The following CXCR5 variants were observed in gnomAD, a reference collection of about 807,000 sequenced individuals.
The protein encoded by CXCR5 is C-X-C motif chemokine receptor 5.
Under a neutral mutation model 5.6 loss-of-function variants are expected in CXCR5, and 3 were observed. That is an observed-to-expected ratio of 0.54 (90% CI 0.24 to 1.39). The LOEUF (loss-of-function observed/expected upper bound fraction) is 1.39. Among genes scored for constraint, CXCR5 ranks in the 40% most tolerant of loss-of-function variants. The pLI is 0.16. For synonymous variants in CXCR5, 218 were observed against 219.9 expected (o/e 0.99, Z 0.08); for missense variants, 333 against 494.6 (o/e 0.67, Z 3.10).
Position 118,894,810 on chromosome 11 carries a change from AC to A in CXCR5, c.*152del, listed in dbSNP as rs1306028613. ...TCATTTGGGGTAGCTAGAGGAACCA[AC>A]CCCCATTTCTAGAACATCCCTGCCA... On this transcript the variant is annotated 3_prime_UTR_variant, in exon 2 of 2. Coordinates refer to ENST00000292174, the MANE Select transcript of CXCR5 (RefSeq NM_001716.5). The surrounding 1 kb of genome is among the most constrained non-coding windows in gnomAD (Gnocchi z 6.1). 1.8e-5 allele frequency: 12 copies of A among 685,050 alleles called. No homozygotes were observed. The highest frequency in any genetic ancestry group is 2.2e-5 in the Non-Finnish European group (10 of 458,188). The allele number at this position is 685,050 out of a possible 1,614,324, so 42.4% of individuals were successfully genotyped here.
intron 1 of CXCR5, among the ~76,000 whole-genome samples, chr11:118,885,386 G>T (rs1018617667): frequency 6.6e-6 from 1 of 152,206 alleles, no homozygotes; most frequent in South Asian, 2.1e-4. Flanking sequence ...CTCGTGGGGG[G>T]TCCTGCTGGG....
rs919322461 is a variant in CXCR5, at chr11:118,893,254, T to G, written c.52-342T>G. 1 of 298,322 alleles carries G rather than the reference T, an allele frequency of 3.4e-6. No homozygotes were observed. Among genetic ancestry groups the G allele is most frequent in the Non-Finnish European group, 4.9e-6 (1 of 202,968 alleles). 18.5% of individuals were successfully genotyped at this position (298,322 alleles called of 1,614,324 possible). ...GTACCAAGCAGGTCCATTCCCCAAATTGAAGTCCTGTGACTCCAGCCGCCA... is the reference window on the plus strand; with the variant it reads ...GTACCAAGCAGGTCCATTCCCCAAAGTGAAGTCCTGTGACTCCAGCCGCCA... On this transcript the variant is annotated intron_variant, in intron 1 of 1. Coordinates refer to ENST00000292174, the MANE Select transcript of CXCR5 (RefSeq NM_001716.5). This position sits in a 1 kb window ranked among gnomAD's most constrained non-coding sequence, Gnocchi z 5.7.
In CXCR5 at chr11:118,893,782, C is replaced by T. The variant is rs955155953; in HGVS notation, c.238C>T (p.Arg80Trp). ...VLVLVILERH[R>W]QTRSSTETFL... ...GGTGCTGGTGATCCTGGAGCGGCAC[C>T]GGCAGACACGCAGTTCCACGGAGAC... is the stretch of plus-strand genomic sequence containing the variant. The change falls in exon 2 of 2, where the codon CGG becomes TGG. Residue 80 changes from arginine to tryptophan, a missense_variant. By Grantham distance (101) the Arg-to-Trp change is moderately radical. Transcript: ENST00000292174. The surrounding 1 kb of genome is among the most constrained non-coding windows in gnomAD (Gnocchi z 5.7). The T allele has an allele frequency of 1.2e-6, 2 of 1,613,978 alleles. No homozygotes were observed. The highest frequency in any genetic ancestry group is 1.7e-6 in the Non-Finnish European group (2 of 1,179,992).
chr11:118,885,940 G>A (rs1021033308), intron 1 of CXCR5: 1 of 179,702 alleles, frequency 5.6e-6, no homozygotes, highest in Non-Finnish European at 1.2e-5. Context: ...AGCCACCAGT[G>A]CCTCGTTCCC....
chr11:118,895,521 G>C lies in CXCR5; in HGVS notation c.*858G>C, dbSNP rs1270894658. 1 of 166,576 alleles carries C rather than the reference G, an allele frequency of 6.0e-6. No homozygotes were observed. The highest frequency in any genetic ancestry group is 2.4e-5 in the African/African-American group (1 of 40,964). The allele number at this position is 166,576 out of a possible 1,614,324, so 10.3% of individuals were successfully genotyped here. On this transcript the variant is annotated 3_prime_UTR_variant, in exon 2 of 2. Coordinates refer to ENST00000292174, the MANE Select transcript of CXCR5 (RefSeq NM_001716.5). The surrounding 1 kb of genome is among the most constrained non-coding windows in gnomAD (Gnocchi z 4.2). ...GCGGTCCCCTCCGCCAGGCGAGATG[G>C]GGTGGGGTGGAGAACTCCTAGGGTG...
rs1344255633 is a variant in CXCR5, at chr11:118,883,948, T to C, written c.7T>C (p.Tyr3His). 1.2e-6 allele frequency: 2 copies of C among 1,612,240 alleles called. No homozygotes were observed. Among genetic ancestry groups the C allele is most frequent in the East Asian group, 4.5e-5 (2 of 44,768 alleles). Residue 3 changes from tyrosine (Y) to histidine (H), a missense_variant, in exon 1 of 2, where the codon TAC (tyrosine) becomes CAC (histidine). Transcript: ENST00000292174. MN[Y>H]PLTLEMDLEN... ...ACTCACAGCCGGCACAGCCATGAAC[T>C]ACCCGCTAACGCTGGAAATGGACCT...
At chr11:118,892,668 G>T (rs865993215) in intron 1 of CXCR5, among the ~76,000 whole-genome samples, 3 of 127,368 alleles carry the variant, frequency 2.4e-5, no homozygotes, top group African/African-American at 9.4e-5. Flanking sequence ...CTGGGGTGAT[G>T]GGGGGGGGGT....
intron 1 of CXCR5, chr11:118,887,567 GT>G (rs907602325): frequency 2.6e-6 from 1 of 380,440 alleles, no homozygotes; most frequent in African/African-American, 2.2e-5. Flanking sequence ...TCACAGACTT[GT>G]CCCTGAAGGC....
rs531193857 is a variant in CXCR5, at chr11:118,895,820, C to G, written c.*1157C>G. The G allele has an allele frequency of 1.2e-5, 2 of 167,252 alleles. No individual in the cohort carries two copies. The highest frequency in any genetic ancestry group is 4.8e-5 in the African/African-American group (2 of 41,450). The allele number at this position is 167,252 out of a possible 1,614,324, so 10.4% of individuals were successfully genotyped here. On this transcript the variant is annotated 3_prime_UTR_variant, in exon 2 of 2. Coordinates refer to ENST00000292174, the MANE Select transcript of CXCR5 (RefSeq NM_001716.5). This position sits in a 1 kb window ranked among gnomAD's most constrained non-coding sequence, Gnocchi z 4.2. ...CGTGAGGATGTCACTCAGATGGAAC[C>G]GCAGGAAGCTGCTCCGTGCTTGTTT...
At chr11:118,889,112 C>T (rs1273991600) in intron 1 of CXCR5, among the ~76,000 whole-genome samples, 5 of 152,212 alleles carry the variant, frequency 3.3e-5, no homozygotes, top group Admixed American at 1.3e-4. Context: ...CCCCACCTCC[C>T]GCTAAGCCCC....
rs373222312 is a variant in CXCR5, at chr11:118,894,398, C to G, written c.854C>G (p.Ala285Gly). The stretch of plus-strand genomic sequence containing the variant: ...ATCGTCATCTTCCTGGACACCCTGG[C>G]GAGGCTGAAGGCCGTGGACAATACC... ...YHIVIFLDTL[A>G]RLKAVDNTCK... The change falls in exon 2 of 2, where the codon GCG becomes GGG. Residue 285 changes from alanine (A) to glycine (G), a missense_variant. Ala to Gly is a moderately conservative substitution (Grantham distance 60). Coordinates refer to ENST00000292174, the MANE Select transcript of CXCR5 (RefSeq NM_001716.5). The surrounding 1 kb of genome is among the most constrained non-coding windows in gnomAD (Gnocchi z 6.1). 3.5e-5 allele frequency: 56 copies of G among 1,614,096 alleles called. 1 individual carries two copies. The highest frequency in any genetic ancestry group is 2.5e-4 in the Admixed American group (15 of 60,004).
intron 1 of CXCR5, 139 bp downstream of exon 1, chr11:118,884,131 C>T: frequency 1.2e-6 from 1 of 819,458 alleles, no homozygotes; most frequent in Middle Eastern, 2.3e-4. Flanking sequence ...GGTCAGTCAG[C>T]TCCCGCCCTT....
rs1436610852 is a variant in CXCR5, at chr11:118,894,020, G to A, written c.476G>A (p.Arg159His). The A allele has an allele frequency of 4.3e-6, 7 of 1,613,442 alleles. No homozygotes were observed. The Admixed American group carries it at 8.3e-5, about 19-fold the overall frequency. ...ATTGTCCACGCCGTCCATGCCTACC[G>A]CCACCGCCGCCTCCTCTCCATCCAC... ...LAIVHAVHAY[R>H]HRRLLSIHIT... Residue 159 changes from arginine (R) to histidine (H), a missense_variant, in exon 2 of 2, where the codon CGC becomes CAC. Transcript: ENST00000292174. The surrounding 1 kb of genome is among the most constrained non-coding windows in gnomAD (Gnocchi z 6.1).
At position 118,894,491 on chromosome 11, in the gene CXCR5, G is replaced by A; in HGVS notation, c.947G>A (p.Cys316Tyr). The change falls in exon 2 of 2, where the codon TGC becomes TAC. Residue 316 changes from cysteine to tyrosine, a missense_variant. Physicochemically the swap from Cys to Tyr is radical, Grantham distance 194. Coordinates refer to ENST00000292174, the MANE Select transcript of CXCR5 (RefSeq NM_001716.5). This position sits in a 1 kb window ranked among gnomAD's most constrained non-coding sequence, Gnocchi z 6.1. ...MCEFLGLAHC[C>Y]LNPMLYTFAG... ...GAGTTCCTGGGCCTGGCCCACTGCT[G>A]CCTCAACCCCATGCTCTACACTTTC... 2 of 1,609,370 alleles carry A rather than the reference G, an allele frequency of 1.2e-6. No homozygotes were observed. The highest frequency in any genetic ancestry group is 1.7e-6 in the Non-Finnish European group (2 of 1,176,984).
rs958406485 is a variant in CXCR5 at position 118,893,148 on chromosome 11, C to T, written c.52-448C>T. 2.6e-5 allele frequency among the ~76,000 whole-genome samples: 4 copies of T among 152,126 alleles called. No individual in the cohort carries two copies. Among genetic ancestry groups the T allele is most frequent in the Non-Finnish European group, 5.9e-5 (4 of 68,028 alleles). On this transcript the variant is annotated intron_variant, in intron 1 of 1. Transcript: ENST00000292174. This position sits in a 1 kb window ranked among gnomAD's most constrained non-coding sequence, Gnocchi z 5.7. ...AGGGAGCCCACAGGCCAAGTCAGCA[C>T]CCGCCCGCCCCTAGTCCCCAGCACA... is the stretch of plus-strand genomic sequence containing the variant.
rs1433897912 is a variant in CXCR5 at position 118,896,517 on chromosome 11, G to C, written c.*1854G>C. On this transcript the variant is annotated 3_prime_UTR_variant, in exon 2 of 2. Coordinates refer to ENST00000292174, the MANE Select transcript of CXCR5 (RefSeq NM_001716.5). ...AGGGCACAGGGCCCAGGCTGAGGCA[G>C]GGCGGGCAAAGCGCCTGGCAGGATG... The C allele has an allele frequency of 6.5e-6, 1 of 152,988 alleles. No homozygotes were observed. Among genetic ancestry groups the C allele is most frequent in the Non-Finnish European group, 1.5e-5 (1 of 68,310 alleles). 9.5% of individuals were successfully genotyped at this position (152,988 alleles called of 1,614,324 possible). A position where few individuals can be genotyped will look rare whatever the true frequency, so the allele number is the denominator to read the frequency against.
chr11:118,896,199 GCA>G lies in CXCR5; in HGVS notation c.*1539_*1540del, dbSNP rs1939912588. Reference sequence around the variant, plus strand: ...AAAACAGGTCAATACAGTACAGGCAGCACAGAGACCCCCGGAACAAGCCTAAA... The same window carrying G: ...AAAACAGGTCAATACAGTACAGGCAGCAGAGACCCCCGGAACAAGCCTAAA... On this transcript the variant is annotated 3_prime_UTR_variant, in exon 2 of 2. Transcript: ENST00000292174. The G allele has an allele frequency of 1.2e-5, 2 of 166,874 alleles. No individual in the cohort carries two copies. The highest frequency in any genetic ancestry group is 4.8e-5 in the African/African-American group (2 of 41,404). 10.3% of individuals were successfully genotyped at this position (166,874 alleles called of 1,614,324 possible). A position where few individuals can be genotyped will look rare whatever the true frequency, so the allele number is the denominator to read the frequency against.
chr11:118,890,901 G>A (rs528842121), intron 1 of CXCR5, among the ~76,000 whole-genome samples: 1 of 152,198 alleles, frequency 6.6e-6, no homozygotes, highest in African/African-American at 2.4e-5. Flanking sequence ...GTACTCTAAA[G>A]AAAGTCCTTG....
intron 1 of CXCR5, among the ~76,000 whole-genome samples, chr11:118,890,872 G>GAC (rs1034941737): frequency 6.6e-6 from 1 of 152,210 alleles, no homozygotes; most frequent in African/African-American, 2.4e-5. Flanking sequence ...GGAACCCTGT[G>GAC]ACACACACAC....
Sources: allele counts gnomAD v4.1 joint callset (sites outside exome capture counted in the v4.1 genomes callset), GRCh38; gene constraint gnomAD v4.1.1; non-coding constraint Gnocchi (gnomAD v3.1); transcripts MANE v1.5; gene names NCBI Gene and HGNC (gene_info 2026-07-23, HGNC 2026-07-21).